The following HECW2 variants were observed in gnomAD, a reference collection of about 807,000 sequenced individuals.
The protein encoded by HECW2 is HECT, C2 and WW domain containing E3 ubiquitin protein ligase 2.
Under a neutral mutation model 175.2 loss-of-function variants are expected in HECW2, and 61 were observed. The observed-to-expected ratio is 0.35, with a 90% CI of 0.28 to 0.43. The LOEUF is 0.43. HECW2 is among the 20% of genes least tolerant of loss of function. HECW2 has a pLI of 1.00. For synonymous variants in HECW2, 671 were observed against 731.0 expected (o/e 0.92, Z 1.32); for missense variants, 1,524 against 2,000.5 (o/e 0.76, Z 4.54).
At chr2:196,519,374 A>G (rs1445230426) in intron 1 of HECW2, among the ~76,000 whole-genome samples, 3 of 152,204 alleles carry the variant, frequency 2.0e-5, no homozygotes, top group Non-Finnish European at 4.4e-5. Context: ...CACCAAAAAT[A>G]AATAAATAAA....
Position 196,242,198 on chromosome 2 carries a change from T to C in HECW2, c.3536A>G (p.Gln1179Arg), listed in dbSNP as rs754421384. ...GGCTGGAGCCCGGGCATTGGCACGC[T>C]GGGTACCTGCAGCAAACCACAAAGA... is the stretch of plus-strand genomic sequence containing the variant. ...VSSPQNSPGT[Q>R]RANARAPAPY... is the part of the protein sequence containing the mutation. Residue 1179 changes from glutamine to arginine, a missense_variant, in exon 20 of 29, where the codon CAG (glutamine) becomes CGG (arginine). By Grantham distance (43) the Gln-to-Arg change is conservative. Around this residue, in one of 11 missense-constraint regions of HECW2, gnomAD observed 291 missense variants for 412.2 expected, o/e 0.71. Coordinates refer to ENST00000644978, the MANE Select transcript of HECW2 (RefSeq NM_001348768.2). 6.2e-7 allele frequency: 1 copy of C among 1,614,194 alleles called. No homozygotes were observed. The highest frequency in any genetic ancestry group is 8.5e-7 in the Non-Finnish European group (1 of 1,180,030).
At chr2:196,219,797 C>T (rs1687601695) in intron 26 of HECW2, among the ~76,000 whole-genome samples, 1 of 152,182 alleles carries the variant, frequency 6.6e-6, no homozygotes, top group Non-Finnish European at 1.5e-5. Context: ...CACATTTCCT[C>T]ACCAACAATT....
intron 1 of HECW2, among the ~76,000 whole-genome samples, chr2:196,446,719 C>T (rs1022472394): frequency 3.9e-4 from 60 of 152,132 alleles, no homozygotes; most frequent in African/African-American, 1.3e-3. Context: ...ACCATTACTA[C>T]AGAAATCAAC....
intron 1 of HECW2, among the ~76,000 whole-genome samples, chr2:196,542,469 T>C (rs1344512331): frequency 2.0e-5 from 3 of 152,102 alleles, no homozygotes; most frequent in Non-Finnish European, 4.4e-5. Flanking sequence ...CCTACTGACA[T>C]GGGAAATTGC....
chr2:196,515,873 C>A (rs1363712449), intron 1 of HECW2, among the ~76,000 whole-genome samples: 1 of 151,532 alleles, frequency 6.6e-6, no homozygotes, highest in African/African-American at 2.4e-5. Flanking sequence ...CCTGTAATCC[C>A]AACACTTTGG....
At chr2:196,253,720 C>T (rs1162510587) in intron 19 of HECW2, among the ~76,000 whole-genome samples, 200 bp downstream of exon 19, 3 of 152,196 alleles carry the variant, frequency 2.0e-5, no homozygotes, top group Non-Finnish European at 2.9e-5. Context: ...CACTAATCCT[C>T]CTATTCATTA....
At chr2:196,517,443 A>G (rs1156381050) in intron 1 of HECW2, among the ~76,000 whole-genome samples, 1 of 152,234 alleles carries the variant, frequency 6.6e-6, no homozygotes, top group Non-Finnish European at 1.5e-5. Context: ...ACAACACTAT[A>G]TAAAAATTTT....
intron 1 of HECW2, among the ~76,000 whole-genome samples, chr2:196,458,430 A>G (rs996968271): frequency 9.3e-6 from 1 of 107,602 alleles, no homozygotes; most frequent in Non-Finnish European, 2.3e-5. Flanking sequence ...TCTCCCTCTC[A>G]CTCACTCACA....
chr2:196,227,655 G>A (rs1007956686), intron 22 of HECW2, among the ~76,000 whole-genome samples: 2 of 152,130 alleles, frequency 1.3e-5, no homozygotes, highest in Admixed American at 1.3e-4. Flanking sequence ...AGTTCCAGCT[G>A]CCCTGTCTCC....
At chr2:196,270,725 A>G (rs1193347635) in intron 17 of HECW2, among the ~76,000 whole-genome samples, 3 of 151,358 alleles carry the variant, frequency 2.0e-5, no homozygotes, top group African/African-American at 7.3e-5. Context: ...TTTTTGAGAC[A>G]AAGTCTCACT....
intron 1 of HECW2, among the ~76,000 whole-genome samples, chr2:196,507,424 A>G (rs1295229243): frequency 6.6e-6 from 1 of 152,204 alleles, no homozygotes; most frequent in Non-Finnish European, 1.5e-5. Context: ...GCCCAGGGGA[A>G]ATTTAGCAAT....
chr2:196,238,146 T>C (rs574113695), intron 21 of HECW2, among the ~76,000 whole-genome samples: 1 of 152,308 alleles, frequency 6.6e-6, no homozygotes, highest in Non-Finnish European at 1.5e-5. Flanking sequence ...GGAGAATCAC[T>C]TGAACCCAGG....
chr2:196,470,828 T>A (rs1179227416), intron 1 of HECW2, among the ~76,000 whole-genome samples: 2 of 152,056 alleles, frequency 1.3e-5, no homozygotes, highest in African/African-American at 4.8e-5. Context: ...GTCGCAGGCA[T>A]CTATAATAGA....
At chr2:196,403,402 C>G (rs1308843254) in intron 2 of HECW2, among the ~76,000 whole-genome samples, 2 of 152,236 alleles carry the variant, frequency 1.3e-5, no homozygotes, top group East Asian at 3.9e-4. Flanking sequence ...AAAAAGACTT[C>G]CAGGGAAAGG....
At position 196,319,685 on chromosome 2, in the gene HECW2, G is replaced by A. The variant is rs367651505; in HGVS notation, c.1205C>T (p.Thr402Met). 199 of 1,614,188 alleles carry A rather than the reference G, an allele frequency of 1.2e-4. No individual in the cohort carries two copies. The highest frequency in any genetic ancestry group is 4.5e-4 in the Admixed American group (27 of 60,026). ...TCTGGGAGGTGAGGTCCTTGAAGAC[G>A]TAGAGGTTAATTCCTCTGTGTCTAT... Reference protein sequence around the residue: ...LEIDTEELTSTSSRTSPPRGR... With the variant: ...LEIDTEELTSMSSRTSPPRGR... The change falls in exon 9 of 29, where the codon ACG (threonine) becomes ATG (methionine). Residue 402 changes from threonine (T) to methionine (M), a missense_variant. This residue lies in a region of HECW2 where 604 missense variants were observed against 588.3 expected (regional missense o/e 1.03). Coordinates refer to ENST00000644978, the MANE Select transcript of HECW2 (RefSeq NM_001348768.2).
intron 13 of HECW2, among the ~76,000 whole-genome samples, chr2:196,300,030 G>A (rs1462601796): frequency 6.6e-6 from 1 of 152,144 alleles, no homozygotes; most frequent in African/African-American, 2.4e-5. Flanking sequence ...GTATGAAGAC[G>A]GCAGCCCAAA....
At chr2:196,498,809 G>C (rs1178739278) in intron 1 of HECW2, among the ~76,000 whole-genome samples, 1 of 152,034 alleles carries the variant, frequency 6.6e-6, no homozygotes, top group African/African-American at 2.4e-5. Context: ...GTGGTCACAA[G>C]ATTTATAACT....
In HECW2 at chr2:196,502,980, C is replaced by T. The variant is rs147496188; in HGVS notation, c.-35-69522G>A. Among the ~76,000 whole-genome samples the T allele has an allele frequency of 5.9e-4, 90 of 152,286 alleles. No individual in the cohort carries two copies. In the East Asian group the frequency reaches 9.3e-3, roughly 16 times the overall value. ...TGACTTTCATAATGGCCTAAAAGAC[C>T]AGATTTGAATTGGGAATTCAGAATG... On this transcript the variant is annotated intron_variant, in intron 1 of 28. Coordinates refer to ENST00000644978, the MANE Select transcript of HECW2 (RefSeq NM_001348768.2).
At chr2:196,567,385 G>A (rs1690224185) in intron 1 of HECW2, among the ~76,000 whole-genome samples, 1 of 152,184 alleles carries the variant, frequency 6.6e-6, no homozygotes, top group Non-Finnish European at 1.5e-5. Flanking sequence ...CATAGAAACT[G>A]GTGCCAGAAG....
Sources: gnomAD v4.1 joint callset for allele counts (sites outside exome capture counted in the v4.1 genomes callset) on GRCh38, gnomAD v4.1.1 for gene constraint, gnomAD v4.1.1 regional missense constraint, MANE v1.5 for transcripts, NCBI Gene and HGNC (gene_info 2026-07-23, HGNC 2026-07-21) for gene names.